CSTPP1: variants seen among roughly 807,000 people sequenced by gnomAD.
CSTPP1 encodes the protein UPF0705 protein C11orf49.
the CSTPP1 span, among the ~76,000 whole-genome samples, chr11:47,037,597 C>T: frequency 0.017 from 2,048 of 117,190 alleles, 155 homozygotes; most frequent in African/African-American, 0.05. Context: ...TCTTAAGGAG[C>T]ATGCTGCCTT....
chr11:46,990,394 A>C, the CSTPP1 span, among the ~76,000 whole-genome samples: 2 of 152,142 alleles, frequency 1.3e-5, no homozygotes, highest in South Asian at 4.1e-4. Context: ...TCTGATGATG[A>C]GTGATAATGA....
the CSTPP1 span, among the ~76,000 whole-genome samples, chr11:46,966,279 G>A: frequency 6.6e-6 from 1 of 152,132 alleles, no homozygotes; most frequent in Non-Finnish European, 1.5e-5. Flanking sequence ...TTGACCTCGT[G>A]ATCTGCCTGC....
the CSTPP1 span, among the ~76,000 whole-genome samples, chr11:47,073,034 G>A: frequency 6.6e-6 from 1 of 152,134 alleles, no homozygotes; most frequent in African/African-American, 2.4e-5. Context: ...CTGAAATGTT[G>A]TGAATGATTT....
chr11:47,070,997 TC>T, the CSTPP1 span, among the ~76,000 whole-genome samples: 1 of 151,994 alleles, frequency 6.6e-6, no homozygotes, highest in Admixed American at 6.6e-5. Flanking sequence ...TGTAGAACTT[TC>T]CCCCATGTCT....
At chr11:47,093,270 A>G in the CSTPP1 span, among the ~76,000 whole-genome samples, 1 of 152,226 alleles carries the variant, frequency 6.6e-6, no homozygotes, top group Non-Finnish European at 1.5e-5. Flanking sequence ...AGGCACTTTA[A>G]CAGCAAAACT....
chr11:47,095,783 C>T, the CSTPP1 span, among the ~76,000 whole-genome samples: 1 of 152,090 alleles, frequency 6.6e-6, no homozygotes, highest in Non-Finnish European at 1.5e-5. Flanking sequence ...GGAGTAATGT[C>T]CTGGAGAAAC....
the CSTPP1 span, among the ~76,000 whole-genome samples, chr11:47,031,946 G>T: frequency 6.6e-6 from 1 of 152,074 alleles, no homozygotes; most frequent in Non-Finnish European, 1.5e-5. Flanking sequence ...CATCCAGCAT[G>T]GGAGAAAGAT....
the CSTPP1 span, among the ~76,000 whole-genome samples, chr11:47,074,982 G>C: frequency 6.6e-6 from 1 of 152,260 alleles, no homozygotes; most frequent in African/African-American, 2.4e-5. Context: ...TCACAGTCTC[G>C]TCTGAAAGAA....
the CSTPP1 span, among the ~76,000 whole-genome samples, chr11:47,087,277 A>G: frequency 6.6e-6 from 1 of 152,372 alleles, no homozygotes; most frequent in East Asian, 1.9e-4. Context: ...ATACAGAGCA[A>G]AGAATATGGC....
the CSTPP1 span, among the ~76,000 whole-genome samples, chr11:47,094,330 ATTG>A: frequency 8.2e-4 from 125 of 152,332 alleles, 3 homozygotes; most frequent in East Asian, 0.015. Context: ...GAAACTGGGT[ATTG>A]TTGTTCAATT....
the CSTPP1 span, among the ~76,000 whole-genome samples, chr11:47,162,658 G>C: frequency 6.6e-6 from 1 of 152,136 alleles, no homozygotes; most frequent in Non-Finnish European, 1.5e-5. Context: ...AGGCAGGTAA[G>C]GACGAGTGTC....
chr11:47,050,904 G>C, the CSTPP1 span, among the ~76,000 whole-genome samples: 1 of 152,134 alleles, frequency 6.6e-6, no homozygotes, highest in Non-Finnish European at 1.5e-5. Context: ...TTCTATGCTA[G>C]CTCTCCATGA....
At chr11:47,030,816 T>C in the CSTPP1 span, among the ~76,000 whole-genome samples, 7 of 152,206 alleles carry the variant, frequency 4.6e-5, no homozygotes, top group African/African-American at 1.7e-4. Context: ...GATAATGGCC[T>C]CCAGCTACAT....
the CSTPP1 span, among the ~76,000 whole-genome samples, chr11:47,024,214 C>T: frequency 6.6e-6 from 1 of 151,850 alleles, no homozygotes; most frequent in Admixed American, 6.6e-5. Context: ...TGTGTGCCAT[C>T]ACACCTGGCA....
the CSTPP1 span, among the ~76,000 whole-genome samples, chr11:47,120,078 A>G: frequency 6.6e-6 from 1 of 152,130 alleles, no homozygotes; most frequent in Admixed American, 6.5e-5. This position sits in a 1 kb window ranked among gnomAD's most constrained non-coding sequence, Gnocchi z 4.2. Flanking sequence ...CCTAAGAGTC[A>G]CCTGAGCTAT....
the CSTPP1 span, among the ~76,000 whole-genome samples, chr11:47,107,291 C>T: frequency 6.6e-6 from 1 of 152,194 alleles, no homozygotes; most frequent in Non-Finnish European, 1.5e-5. Context: ...GAACACTCCT[C>T]CTGGGCTCCG....
At chr11:46,955,991 C>G in the CSTPP1 span, among the ~76,000 whole-genome samples, 62 of 149,192 alleles carry the variant, frequency 4.2e-4, no homozygotes, top group African/African-American at 1.0e-3. Context: ...CATCCACCCC[C>G]CCCCCCCCAC....
chr11:47,064,594 G>C, the CSTPP1 span, among the ~76,000 whole-genome samples: 1 of 152,016 alleles, frequency 6.6e-6, no homozygotes, highest in Non-Finnish European at 1.5e-5. Flanking sequence ...CCCTTGAATG[G>C]TACCCTTTGC....
At chr11:47,029,609 C>CT in the CSTPP1 span, among the ~76,000 whole-genome samples, 2,272 of 148,536 alleles carry the variant, frequency 0.015, 61 homozygotes, top group African/African-American at 0.054. Context: ...GAGTGAGACT[C>CT]TATCTCAAAA....
Sources: allele counts gnomAD v4.1 joint callset (sites outside exome capture counted in the v4.1 genomes callset), GRCh38; gene constraint gnomAD v4.1.1; non-coding constraint Gnocchi (gnomAD v3.1); transcripts MANE v1.5; gene names NCBI Gene and HGNC (gene_info 2026-07-23, HGNC 2026-07-21).